ERGIC1: variants seen among roughly 807,000 people sequenced by gnomAD.
The protein encoded by ERGIC1 is endoplasmic reticulum-Golgi intermediate compartment protein 1.
In ERGIC1, 19 loss-of-function variants were observed where a neutral mutation model predicts 38.3. The observed-to-expected ratio is 0.50, with a 90% CI of 0.35 to 0.73. The LOEUF is 0.73. Ranked by LOEUF, ERGIC1 falls within the 30% of genes least tolerant of loss-of-function variation. The pLI, the probability that ERGIC1 is intolerant of heterozygous loss-of-function variation, is 0.01. For synonymous variants in ERGIC1, 124 were observed against 157.6 expected (o/e 0.79, Z 1.60); for missense variants, 294 against 389.2 (o/e 0.76, Z 2.06).
intron 1 of ERGIC1, among the ~76,000 whole-genome samples, chr5:172,845,149 C>A (rs1487464311): frequency 6.6e-6 from 1 of 152,146 alleles, no homozygotes; most frequent in African/African-American, 2.4e-5. Flanking sequence ...AGTATCACGC[C>A]CCAGGAGGGG....
At chr5:172,924,485 C>T (rs1002719230) in intron 6 of ERGIC1, among the ~76,000 whole-genome samples, 4 of 152,120 alleles carry the variant, frequency 2.6e-5, no homozygotes, top group African/African-American at 7.2e-5. Flanking sequence ...AAATGGGAGC[C>T]GGCAGGTGGG....
rs997985970 is a variant in ERGIC1, at chr5:172,834,746, T to C, written c.20+313T>C. On this transcript the variant is annotated intron_variant, in intron 1 of 9. Transcript: ENST00000393784. The surrounding 1 kb of genome is among the most constrained non-coding windows in gnomAD (Gnocchi z 4.1). The stretch of plus-strand genomic sequence containing the variant: ...GAAACATTTCCTCCCTCCTCCCAGA[T>C]GGGAACAGCCCATAACACCCCAGCA... Among the ~76,000 whole-genome samples, 27 of 151,832 alleles carry C rather than the reference T, an allele frequency of 1.8e-4. No homozygotes were observed. Among genetic ancestry groups the C allele is most frequent in the African/African-American group, 5.8e-4 (24 of 41,334 alleles).
At chr5:172,945,724 A>C (rs1764107504) in intron 9 of ERGIC1, among the ~76,000 whole-genome samples, 1 of 151,910 alleles carries the variant, frequency 6.6e-6, no homozygotes, top group African/African-American at 2.4e-5. Flanking sequence ...TTGCTCTGTG[A>C]CCTCGCCTGG....
At chr5:172,893,905 A>ATATATATATATATGTGTGTGTG (rs1173039695) in intron 2 of ERGIC1, among the ~76,000 whole-genome samples, 1 of 15,544 alleles carries the variant, frequency 6.4e-5, no homozygotes, top group Non-Finnish European at 2.1e-4. Context: ...ATATATATAT[A>ATATATATATATATGTGTGTGTG]TGTGTGTGTG....
At chr5:172,860,535 A>G (rs1375383881) in intron 1 of ERGIC1, among the ~76,000 whole-genome samples, 1 of 152,228 alleles carries the variant, frequency 6.6e-6, no homozygotes, top group African/African-American at 2.4e-5. Flanking sequence ...ACCTCACTGC[A>G]TGCACGGGAG....
intron 9 of ERGIC1, among the ~76,000 whole-genome samples, chr5:172,947,540 G>C (rs907970201): frequency 6.6e-6 from 1 of 152,204 alleles, no homozygotes; most frequent in African/African-American, 2.4e-5. Flanking sequence ...ACCTCCTCAA[G>C]TGAACAGTGA....
In ERGIC1 at chr5:172,943,345, C is replaced by A. The variant is rs922767293; in HGVS notation, c.766-7364C>A. ...CCTGATACCACACGCTCTCCTCCCCCACCCCCAGCCTTTCCAGGGCCCAGT... is the reference window on the plus strand; with the variant it reads ...CCTGATACCACACGCTCTCCTCCCCAACCCCCAGCCTTTCCAGGGCCCAGT... On this transcript the variant is annotated intron_variant, in intron 9 of 9. Coordinates refer to ENST00000393784, the MANE Select transcript of ERGIC1 (RefSeq NM_001031711.3). Among the ~76,000 whole-genome samples the A allele has an allele frequency of 2.6e-5, 4 of 151,880 alleles. No individual in the cohort carries two copies. In the East Asian group the frequency reaches 7.7e-4, roughly 29 times the overall value.
At chr5:172,894,415 C>T (rs560824578) in intron 2 of ERGIC1, among the ~76,000 whole-genome samples, 4 of 151,838 alleles carry the variant, frequency 2.6e-5, no homozygotes, top group South Asian at 2.1e-4. Flanking sequence ...AGGCTGGTCT[C>T]GAACTCTTGA....
At chr5:172,948,945 C>G (rs2113497897) in intron 9 of ERGIC1, among the ~76,000 whole-genome samples, 1 of 152,044 alleles carries the variant, frequency 6.6e-6, no homozygotes, top group Non-Finnish European at 1.5e-5. Context: ...TCCTGGCTAC[C>G]CCGGAGGCTG....
chr5:172,902,726 G>A (rs1432338146), intron 3 of ERGIC1, among the ~76,000 whole-genome samples: 4 of 152,058 alleles, frequency 2.6e-5, no homozygotes, highest in South Asian at 2.1e-4. Context: ...TCAAGGCTCC[G>A]GAGCACGTGC....
At chr5:172,884,862 A>G (rs1284463899) in intron 1 of ERGIC1, among the ~76,000 whole-genome samples, 3 of 152,202 alleles carry the variant, frequency 2.0e-5, no homozygotes, top group African/African-American at 7.2e-5. Flanking sequence ...TATATTGAAA[A>G]TGATTAATTC....
At position 172,950,744 on chromosome 5, in the gene ERGIC1, C is replaced by G. The variant is rs371518774; in HGVS notation, c.801C>G (p.Ala267=). Residue 267 remains alanine (A), a synonymous_variant, in exon 10 of 10, where the codon GCC becomes GCG. Transcript: ENST00000393784. ...TCATTGGCGGGACCTTCACCGTCGCCGGCATCCTGGACTCATGCATCTTCA... is the reference window on the plus strand; with the variant it reads ...TCATTGGCGGGACCTTCACCGTCGCGGGCATCCTGGACTCATGCATCTTCA... ...CAIIGGTFTV[A]GILDSCIFTA... is the part of the protein sequence containing the mutation. The G allele has an allele frequency of 1.2e-6, 2 of 1,613,048 alleles. No individual in the cohort carries two copies. Among genetic ancestry groups the G allele is most frequent in the East Asian group, 4.5e-5 (2 of 44,834 alleles).
intron 1 of ERGIC1, among the ~76,000 whole-genome samples, chr5:172,857,588 G>GGCC (rs1761582691): frequency 1.1e-4 from 14 of 132,576 alleles, no homozygotes; most frequent in Admixed American, 2.5e-4. Flanking sequence ...TAATAATGGT[G>GGCC]CCCCCCCCAC....
In ERGIC1 at chr5:172,935,197, G is replaced by T; in HGVS notation, c.652G>T (p.Ala218Ser). ...ATATCCTCTACCCCAGGAATACGTC[G>T]CCTACAGCCACACGGGCCGCATCAT... Reference protein sequence around the residue: ...QYTVANKEYVAYSHTGRIIPA... With the variant: ...QYTVANKEYVSYSHTGRIIPA... Residue 218 changes from alanine to serine, a missense_variant, in exon 9 of 10, where the codon GCC (alanine) becomes TCC (serine). By Grantham distance (99) the Ala-to-Ser change is moderately conservative (BLOSUM62 1). Around this residue, in one of 3 missense-constraint regions of ERGIC1, gnomAD observed 109 missense variants for 112.7 expected, o/e 0.97. Coordinates refer to ENST00000393784, the MANE Select transcript of ERGIC1 (RefSeq NM_001031711.3). 6.2e-7 allele frequency: 1 copy of T among 1,613,936 alleles called. No individual in the cohort carries two copies. The highest frequency in any genetic ancestry group is 1.3e-5 in the African/African-American group (1 of 74,948).
chr5:172,896,532 G>A lies in ERGIC1; in HGVS notation c.83-470G>A, dbSNP rs370567277. On this transcript the variant is annotated intron_variant, in intron 2 of 9. Transcript: ENST00000393784. ...GAGGCAGAAGGGAGTGGTGGGGCCTGTGGCAAACTCATGGGCTCCGACCCT... is the reference window on the plus strand; with the variant it reads ...GAGGCAGAAGGGAGTGGTGGGGCCTATGGCAAACTCATGGGCTCCGACCCT... Among the ~76,000 whole-genome samples, 15 of 152,342 alleles carry A rather than the reference G, an allele frequency of 9.8e-5. No homozygotes were observed. The South Asian group carries it at 2.5e-3, about 25-fold the overall frequency.
At chr5:172,943,069 G>A (rs1428694052) in intron 9 of ERGIC1, among the ~76,000 whole-genome samples, 1 of 152,154 alleles carries the variant, frequency 6.6e-6, no homozygotes, top group East Asian at 1.9e-4. Context: ...TTACTCGGTA[G>A]CCCTGTGACT....
Position 172,834,973 on chromosome 5 carries a change from C to T in ERGIC1, c.20+540C>T, listed in dbSNP as rs1339764465. Among the ~76,000 whole-genome samples the T allele has an allele frequency of 6.6e-6, 1 of 152,250 alleles. No homozygotes were observed. The highest frequency in any genetic ancestry group is 1.5e-5 in the Non-Finnish European group (1 of 68,044). ...GCCCCCGCCCCTCCCTCCCTCAGCC[C>T]CAGCCCTGTCCGCTGGGTATGGGGG... On this transcript the variant is annotated intron_variant, in intron 1 of 9. Transcript: ENST00000393784. This position sits in a 1 kb window ranked among gnomAD's most constrained non-coding sequence, Gnocchi z 4.1.
chr5:172,834,493 G>T lies in ERGIC1; in HGVS notation c.20+60G>T. On this transcript the variant is annotated intron_variant, in intron 1 of 9. Transcript: ENST00000393784. The surrounding 1 kb of genome is among the most constrained non-coding windows in gnomAD (Gnocchi z 4.1). ...CTCAGCGGGCAGAGGGAGCGCCCCG[G>T]CACGCCGCGGACCCCTCCCGCCCTG... The T allele has an allele frequency of 7.9e-7, 1 of 1,268,058 alleles. No homozygotes were observed. Among genetic ancestry groups the T allele is most frequent in the South Asian group, 2.6e-5 (1 of 37,834 alleles). 78.6% of individuals were successfully genotyped at this position (1,268,058 alleles called of 1,614,324 possible). A position where few individuals can be genotyped will look rare whatever the true frequency, so the allele number is the denominator to read the frequency against.
At chr5:172,900,306 C>T (rs1762836990) in intron 3 of ERGIC1, among the ~76,000 whole-genome samples, 1 of 152,212 alleles carries the variant, frequency 6.6e-6, no homozygotes, top group Admixed American at 6.5e-5. Flanking sequence ...TGTGTTCCCA[C>T]TGCTCCCCAT....
Sources: gnomAD v4.1 joint callset for allele counts (sites outside exome capture counted in the v4.1 genomes callset) on GRCh38, gnomAD v4.1.1 for gene constraint, gnomAD v4.1.1 regional missense constraint, Gnocchi (gnomAD v3.1) non-coding constraint, MANE v1.5 for transcripts, NCBI Gene and HGNC (gene_info 2026-07-23, HGNC 2026-07-21) for gene names.